LMTK3: variants seen among roughly 807,000 people sequenced by gnomAD.
The protein encoded by LMTK3 is serine/threonine-protein kinase LMTK3.
In LMTK3, 27 loss-of-function variants were observed where a neutral mutation model predicts 116.7. The ratio of observed to expected loss-of-function variants is 0.23; its 90% confidence interval spans 0.17 to 0.32. The LOEUF (loss-of-function observed/expected upper bound fraction) is 0.32, where lower values mean the gene tolerates loss of function less well. Among genes scored for constraint, LMTK3 ranks in the 10% least tolerant of loss-of-function variants. The pLI is 1.00. For synonymous variants in LMTK3, 965 were observed against 971.0 expected (o/e 0.99, Z 0.11); for missense variants, 1,764 against 2,068.5 (o/e 0.85, Z 2.86).
chr19:48,512,400 C>G (rs938660680), upstream of LMTK3, among the ~76,000 whole-genome samples: 3 of 152,132 alleles, frequency 2.0e-5, no homozygotes, highest in Non-Finnish European at 2.9e-5. Context: ...GATCCACAGA[C>G]GCACACGCCA....
chr19:48,511,017 G>A (rs1972649612), intron 1 of LMTK3, among the ~76,000 whole-genome samples: 1 of 152,176 alleles, frequency 6.6e-6, no homozygotes, highest in Non-Finnish European at 1.5e-5. Flanking sequence ...CTTGCCCCAT[G>A]CTGGAACCCC....
chr19:48,500,402 C>T lies in LMTK3; in HGVS notation c.1152-485G>A, dbSNP rs1972442063. On this transcript the variant is annotated intron_variant, in intron 10 of 14. Transcript: ENST00000600059. This position sits in a 1 kb window ranked among gnomAD's most constrained non-coding sequence, Gnocchi z 4.0. The stretch of plus-strand genomic sequence containing the variant: ...TCGTGCCATCGCACTCCAGCCTGGG[C>T]AACAAAAGCAAAAATCTGCCAAAAA... Among the ~76,000 whole-genome samples the T allele has an allele frequency of 6.8e-6, 1 of 147,676 alleles. No individual in the cohort carries two copies. The highest frequency in any genetic ancestry group is 1.5e-5 in the Non-Finnish European group (1 of 67,298).
Position 48,498,783 on chromosome 19 carries a change from G to A in LMTK3, c.2286C>T (p.Ala762=). The change falls in exon 11 of 15, where the codon GCC becomes GCT. Residue 762 remains alanine (A), a synonymous_variant. Transcript: ENST00000600059. ...CGGGGGACGCGGCCGGGTCCGCGGG[G>A]GCCCGAGGAGGTGGCGGCGGGGGGG... ...APPPPPPPPR[A]PADPAASPDP... 7.6e-7 allele frequency: 1 copy of A among 1,310,932 alleles called. No individual in the cohort carries two copies. Among genetic ancestry groups the A allele is most frequent in the East Asian group, 3.0e-5 (1 of 32,864 alleles). 81.2% of individuals were successfully genotyped at this position (1,310,932 alleles called of 1,614,324 possible). A position where few individuals can be genotyped will look rare whatever the true frequency, so the allele number is the denominator to read the frequency against.
Position 48,511,566 on chromosome 19 carries a change from G to A in LMTK3, c.11C>T (p.Pro4Leu), listed in dbSNP as rs868482549. 7.0e-7 allele frequency: 1 copy of A among 1,437,410 alleles called. No homozygotes were observed. The highest frequency in any genetic ancestry group is 2.8e-5 in the East Asian group (1 of 36,170). The allele number at this position is 1,437,410 out of a possible 1,614,324, so 89.0% of individuals were successfully genotyped here. A position where few individuals can be genotyped will look rare whatever the true frequency, so the allele number is the denominator to read the frequency against. ...GGCCGCAAGGAGGATGAGGGCGCCG[G>A]GGGCAGGCATCTTGTCGAGGATGGC... The part of the protein sequence containing the change: MPA[P>L]GALILLAAVS... Residue 4 changes from proline (P) to leucine (L), a missense_variant, in exon 1 of 15, where the codon CCC becomes CTC. Physicochemically the swap from Pro to Leu is moderately conservative, Grantham distance 98. Transcript: ENST00000600059.
rs960816411 is a variant in LMTK3, at chr19:48,493,857, G to T, written c.3929C>A (p.Pro1310Gln). The change falls in exon 12 of 15, where the codon CCG becomes CAG. Residue 1310 changes from proline (P) to glutamine (Q), a missense_variant. Physicochemically the swap from Pro to Gln is moderately conservative, Grantham distance 76. Transcript: ENST00000600059. ...PRGPGRARAA[P>Q]VPVVVSSADA... ...GGCGCTGCTCACCACGACGGGCACC[G>T]GGGCTGCTCGCGCCCTCCCGGGGCC... 8.1e-7 allele frequency: 1 copy of T among 1,241,760 alleles called. No individual in the cohort carries two copies. The allele number at this position is 1,241,760 out of a possible 1,614,324, so 76.9% of individuals were successfully genotyped here.
rs1190249572 is a variant in LMTK3, at chr19:48,491,355, TCCGCCCCATGGCTC to T, written c.4228+35_4228+48del. On this transcript the variant is annotated intron_variant, in intron 13 of 14. Coordinates refer to ENST00000600059, the MANE Select transcript of LMTK3 (RefSeq NM_001388485.1). The surrounding 1 kb of genome is among the most constrained non-coding windows in gnomAD (Gnocchi z 5.1). Reference sequence around the variant, plus strand: ...CTCCCACCCCATAGACCCCGCCCCGTCCGCCCCATGGCTCCCGCCCCCTCCCGCCCCATAGGGCC... The same window carrying T: ...CTCCCACCCCATAGACCCCGCCCCGTCCGCCCCCTCCCGCCCCATAGGGCC... 10 of 1,194,780 alleles carry T rather than the reference TCCGCCCCATGGCTC, an allele frequency of 8.4e-6. No homozygotes were observed. The highest frequency in any genetic ancestry group is 7.2e-5 in the East Asian group (2 of 27,746). The allele number at this position is 1,194,780 out of a possible 1,614,324, so 74.0% of individuals were successfully genotyped here.
At chr19:48,513,264 G>T, upstream of LMTK3, 4 of 1,151,758 alleles carry the variant, frequency 3.5e-6, no homozygotes, top group African/African-American at 1.5e-5. This position sits in a 1 kb window ranked among gnomAD's most constrained non-coding sequence, Gnocchi z 5.6. Flanking sequence ...GGTATCGTCC[G>T]CAGCGTTTTA....
intron 1 of LMTK3, among the ~76,000 whole-genome samples, chr19:48,510,830 C>T (rs1972646218): frequency 6.6e-6 from 1 of 152,288 alleles, no homozygotes; most frequent in Non-Finnish European, 1.5e-5. Context: ...CCCCCGCCAC[C>T]TCATCCCACC....
At position 48,491,130 on chromosome 19, in the gene LMTK3, C is replaced by T. The variant is rs1972213260; in HGVS notation, c.4344G>A (p.Arg1448=). The T allele has an allele frequency of 7.3e-7, 1 of 1,372,868 alleles. No individual in the cohort carries two copies. Among genetic ancestry groups the T allele is most frequent in the Non-Finnish European group, 9.4e-7 (1 of 1,063,536 alleles). The allele number at this position is 1,372,868 out of a possible 1,614,324, so 85.0% of individuals were successfully genotyped here. A position where few individuals can be genotyped will look rare whatever the true frequency, so the allele number is the denominator to read the frequency against. The change falls in exon 14 of 15, where the codon CGG becomes CGA. Residue 1448 remains arginine (R), a synonymous_variant. Coordinates refer to ENST00000600059, the MANE Select transcript of LMTK3 (RefSeq NM_001388485.1). This position sits in a 1 kb window ranked among gnomAD's most constrained non-coding sequence, Gnocchi z 5.1. ...PALETPGPPA[R]APDARPAGPV... ...TACCTGCGGGCCGGGCGTCGGGGGC[C>T]CGGGCGGGTGGCCCCGGGGTCTCCA... is the stretch of plus-strand genomic sequence containing the variant.
Position 48,491,835 on chromosome 19 carries a change from C to G in LMTK3, c.4093-296G>C, listed in dbSNP as rs1972232954. On this transcript the variant is annotated intron_variant, in intron 12 of 14. Coordinates refer to ENST00000600059, the MANE Select transcript of LMTK3 (RefSeq NM_001388485.1). The surrounding 1 kb of genome is among the most constrained non-coding windows in gnomAD (Gnocchi z 5.1). ...CTGGCTCATTAACGTGAGGCCTCCA[C>G]CGGATCCCCTAACCCAAAGCGATCT... Among the ~76,000 whole-genome samples the G allele has an allele frequency of 6.6e-6, 1 of 152,166 alleles. No homozygotes were observed.
chr19:48,490,963 TG>T (rs1972210687), intron 14 of LMTK3, 144 bp downstream of exon 14: 14 of 507,904 alleles, frequency 2.8e-5, no homozygotes, highest in Non-Finnish European at 3.1e-6. Flanking sequence ...CAGAGCTGGG[TG>T]GGGTGTCTGT....
At chr19:48,504,111 G>C (rs1972523063) in intron 5 of LMTK3, among the ~76,000 whole-genome samples, 1 of 151,884 alleles carries the variant, frequency 6.6e-6, no homozygotes, top group Admixed American at 6.6e-5. Flanking sequence ...CCGGTGATAC[G>C]CCCGCCTCAG....
chr19:48,508,749 C>T (rs534840082), intron 5 of LMTK3, 102 bp downstream of exon 5: 2 of 930,624 alleles, frequency 2.1e-6, no homozygotes, highest in South Asian at 2.7e-5. Flanking sequence ...CAGAGCTGCA[C>T]AACCGGAAGA....
chr19:48,498,853 G>A lies in LMTK3; in HGVS notation c.2216C>T (p.Ala739Val), dbSNP rs2147544575. Residue 739 changes from alanine (A) to valine (V), a missense_variant, in exon 11 of 15, where the codon GCG (alanine) becomes GTG (valine). Ala to Val is a moderately conservative substitution (Grantham distance 64). Coordinates refer to ENST00000600059, the MANE Select transcript of LMTK3 (RefSeq NM_001388485.1). ...PPEFLDPLMG[A>V]AAPQYPGRGP... ...CCGCCCGGGGTACTGGGGCGCCGCCGCCCCCATGAGGGGGTCCAGAAACTC... is the reference window on the plus strand; with the variant it reads ...CCGCCCGGGGTACTGGGGCGCCGCCACCCCCATGAGGGGGTCCAGAAACTC... 1.8e-6 allele frequency: 2 copies of A among 1,129,176 alleles called. No individual in the cohort carries two copies. The highest frequency in any genetic ancestry group is 2.2e-6 in the Non-Finnish European group (2 of 896,756). 69.9% of individuals were successfully genotyped at this position (1,129,176 alleles called of 1,614,324 possible).
chr19:48,513,388 C>T (rs1972692613), upstream of LMTK3: 5 of 589,518 alleles, frequency 8.5e-6, no homozygotes, highest in East Asian at 2.8e-5. This position sits in a 1 kb window ranked among gnomAD's most constrained non-coding sequence, Gnocchi z 5.6. Context: ...AGTCACCTGC[C>T]CCAAGGCACA....
Position 48,493,806 on chromosome 19 carries a change from C to G in LMTK3, c.3980G>C (p.Arg1327Pro). The G allele has an allele frequency of 6.6e-7, 1 of 1,508,454 alleles. No homozygotes were observed. The allele number at this position is 1,508,454 out of a possible 1,614,324, so 93.4% of individuals were successfully genotyped here. Residue 1327 changes from arginine to proline, a missense_variant, in exon 12 of 15, where the codon CGG becomes CCG. Transcript: ENST00000600059. ...SADADAARPL[R>P]GLLKSPRGAD... ...CCCGCGCGGAGACTTGAGCAGCCCCCGCAGCGGGCGGGCCGCGTCCGCGTC... is the reference window on the plus strand; with the variant it reads ...CCCGCGCGGAGACTTGAGCAGCCCCGGCAGCGGGCGGGCCGCGTCCGCGTC...
upstream of LMTK3, among the ~76,000 whole-genome samples, chr19:48,512,708 C>T (rs1384005721): frequency 1.3e-5 from 2 of 152,014 alleles, no homozygotes; most frequent in Non-Finnish European, 2.9e-5. Context: ...ATCACTCACA[C>T]GGACACAAGC....
At position 48,491,212 on chromosome 19, in the gene LMTK3, A is replaced by AG; in HGVS notation, c.4261dup (p.Leu1421ProfsTer119). The AG allele has an allele frequency of 7.4e-7, 1 of 1,352,214 alleles. No individual in the cohort carries two copies. The highest frequency in any genetic ancestry group is 9.5e-7 in the Non-Finnish European group (1 of 1,049,374). 83.8% of individuals were successfully genotyped at this position (1,352,214 alleles called of 1,614,324 possible). A position where few individuals can be genotyped will look rare whatever the true frequency, so the allele number is the denominator to read the frequency against. On this transcript the variant is annotated frameshift_variant, in exon 14 of 15. Coordinates refer to ENST00000600059, the MANE Select transcript of LMTK3 (RefSeq NM_001388485.1). LOFTEE classifies it high-confidence loss of function. The surrounding 1 kb of genome is among the most constrained non-coding windows in gnomAD (Gnocchi z 5.1). ...CAGCGGGGGGCCTGGAGGGGGGAGG[A>AG]GGGGGAAATCCTCCGCCCACTCGAA...
rs1972274555 is a variant in LMTK3, at chr19:48,493,862, T to C, written c.3924A>G (p.Ala1308=). The change falls in exon 12 of 15, where the codon GCA becomes GCG. Residue 1308 remains alanine, a synonymous_variant. Transcript: ENST00000600059. ...TGCTCACCACGACGGGCACCGGGGC[T>C]GCTCGCGCCCTCCCGGGGCCCCGCG... ...AGPRGPGRAR[A]APVPVVVSSA... The C allele has an allele frequency of 5.7e-6, 7 of 1,223,356 alleles. No homozygotes were observed. The highest frequency in any genetic ancestry group is 5.1e-6 in the Non-Finnish European group (5 of 982,094). 75.8% of individuals were successfully genotyped at this position (1,223,356 alleles called of 1,614,324 possible). A position where few individuals can be genotyped will look rare whatever the true frequency, so the allele number is the denominator to read the frequency against.
Sources: gnomAD v4.1 joint callset for allele counts (sites outside exome capture counted in the v4.1 genomes callset) on GRCh38, gnomAD v4.1.1 for gene constraint, Gnocchi (gnomAD v3.1) non-coding constraint, MANE v1.5 for transcripts, NCBI Gene and HGNC (gene_info 2026-07-23, HGNC 2026-07-21) for gene names.